The following AGBL1 variants were observed in gnomAD, a reference collection of about 807,000 sequenced individuals.
AGBL1 encodes cytosolic carboxypeptidase 4.
Under a neutral mutation model 118.9 loss-of-function variants are expected in AGBL1, and 130 were observed. The observed-to-expected ratio is 1.09, with a 90% CI of 0.95 to 1.26. The LOEUF is 1.26. Among genes scored for constraint, AGBL1 ranks in the 50% most tolerant of loss-of-function variants. The probability of loss-of-function intolerance (pLI) is 0.00; values close to 1 mark genes in which losing one functional copy is unlikely to be tolerated. For synonymous variants in AGBL1, 555 were observed against 478.9 expected, an observed-to-expected ratio of 1.16 and a Z score of -2.08; for missense variants, 1,584 against 1,298.1, an observed-to-expected ratio of 1.22 and a Z score of -3.38.
At chr15:86,475,650 G>A (rs1397328109) in intron 18 of AGBL1, among the ~76,000 whole-genome samples, 2 of 152,154 alleles carry the variant, frequency 1.3e-5, no homozygotes, top group Admixed American at 6.5e-5. Context: ...AAAACACTCG[G>A]CAGGATATTA....
intron 6 of AGBL1, among the ~76,000 whole-genome samples, chr15:86,239,934 A>G (rs1254357352): frequency 6.6e-6 from 1 of 152,238 alleles, no homozygotes; most frequent in African/African-American, 2.4e-5. Flanking sequence ...GTATATATAT[A>G]GGCACGGGAA....
rs1248866437 is a variant in AGBL1, at chr15:86,689,522, A to T, written c.3158+15086A>T. Among the ~76,000 whole-genome samples, 4 of 152,256 alleles carry T rather than the reference A, an allele frequency of 2.6e-5. No individual in the cohort carries two copies. In the East Asian group the frequency reaches 7.7e-4, roughly 29 times the overall value. On this transcript the variant is annotated intron_variant, in intron 22 of 22. Coordinates refer to ENST00000614907, the MANE Select transcript of AGBL1 (RefSeq NM_001386094.1). Reference sequence around the variant, plus strand: ...TTGTCAAGCCTCTCATCCTGTATTTATGGGAAGATATGAAGACTTACGGGC... The same window carrying T: ...TTGTCAAGCCTCTCATCCTGTATTTTTGGGAAGATATGAAGACTTACGGGC...
rs151244145 is a variant in AGBL1 at position 86,723,850 on chromosome 15, G to A, written c.3158+49414G>A. Among the ~76,000 whole-genome samples the A allele has an allele frequency of 3.5e-3, 535 of 152,214 alleles. 1 individual carries two copies. The highest frequency in any genetic ancestry group is 5.1e-3 in the Non-Finnish European group (344 of 68,012). On this transcript the variant is annotated intron_variant, in intron 22 of 22. Coordinates refer to ENST00000614907, the MANE Select transcript of AGBL1 (RefSeq NM_001386094.1). ...AGGTGGCAGGACCAATGCAGTGGGC[G>A]TGCTGGCAGAGTGGGAATTGTTGGA...
intron 22 of AGBL1, among the ~76,000 whole-genome samples, chr15:86,819,289 T>C (rs761651624): frequency 7.9e-5 from 12 of 151,806 alleles, no homozygotes; most frequent in South Asian, 2.1e-4. Context: ...TAGAAGGAGG[T>C]ACACAAAGAT....
intron 7 of AGBL1, among the ~76,000 whole-genome samples, chr15:86,249,446 A>G (rs1440047777): frequency 6.6e-6 from 1 of 152,158 alleles, no homozygotes; most frequent in Non-Finnish European, 1.5e-5. Flanking sequence ...ACCAATATCT[A>G]ACTCCCTATC....
At chr15:86,410,064 A>G (rs188108284) in intron 18 of AGBL1, among the ~76,000 whole-genome samples, 113 of 152,330 alleles carry the variant, frequency 7.4e-4, no homozygotes, top group Non-Finnish European at 1.3e-3. Flanking sequence ...AATATAGATA[A>G]GTTATTTCTC....
intron 22 of AGBL1, among the ~76,000 whole-genome samples, chr15:86,747,296 A>G (rs891559111): frequency 1.3e-5 from 2 of 152,136 alleles, no homozygotes; most frequent in African/African-American, 4.8e-5. Flanking sequence ...CCATGTCTCC[A>G]TTGTCTAGAT....
intron 1 of AGBL1, among the ~76,000 whole-genome samples, chr15:86,101,061 G>A (rs1896685796): frequency 6.6e-6 from 1 of 151,930 alleles, no homozygotes; most frequent in South Asian, 2.1e-4. Context: ...GGTATATTGG[G>A]TTTCAATTTT....
chr15:86,851,592 A>G (rs1419277708), intron 22 of AGBL1, among the ~76,000 whole-genome samples: 1 of 152,234 alleles, frequency 6.6e-6, no homozygotes, highest in Non-Finnish European at 1.5e-5. Flanking sequence ...AAAATCTGCA[A>G]AGATTAGTTC....
chr15:86,137,166 A>C (rs888237683), intron 1 of AGBL1, among the ~76,000 whole-genome samples: 2 of 152,210 alleles, frequency 1.3e-5, no homozygotes, highest in Admixed American at 1.3e-4. Context: ...ATTTTTCTCC[A>C]CTGATCACCA....
chr15:86,753,681 A>C (rs924186435), intron 22 of AGBL1, among the ~76,000 whole-genome samples: 2 of 152,090 alleles, frequency 1.3e-5, no homozygotes, highest in African/African-American at 4.8e-5. Flanking sequence ...TACAGGCGTA[A>C]GCCACTGCGC....
In AGBL1 at chr15:86,881,546, C is replaced by T. The variant is rs113159854; in HGVS notation, c.3159-25541C>T. On this transcript the variant is annotated intron_variant, in intron 22 of 22. Coordinates refer to ENST00000614907, the MANE Select transcript of AGBL1 (RefSeq NM_001386094.1). ...CCTTATTTCATTCTGTACACCTTGC[C>T]GAGGTTACTGTATTACTCTGTCTTG... is the stretch of plus-strand genomic sequence containing the variant. 6.4e-3 allele frequency among the ~76,000 whole-genome samples: 979 copies of T among 152,218 alleles called. 10 individuals carry two copies. Among genetic ancestry groups the T allele is most frequent in the Middle Eastern group, 0.024 (7 of 294 alleles).
intron 1 of AGBL1, among the ~76,000 whole-genome samples, chr15:86,096,869 C>T (rs1004162233): frequency 6.6e-6 from 1 of 152,174 alleles, no homozygotes; most frequent in Non-Finnish European, 1.5e-5. Flanking sequence ...GCTCTAAGAT[C>T]CCCTCTTTGT....
intron 22 of AGBL1, among the ~76,000 whole-genome samples, chr15:86,692,245 G>T (rs533384315): frequency 1.3e-5 from 2 of 151,838 alleles, no homozygotes; most frequent in Non-Finnish European, 2.9e-5. Flanking sequence ...AATTGTTCTC[G>T]AATCAGTCCA....
intron 16 of AGBL1, 22 bp from the exon 17 acceptor site, chr15:86,295,233 G>C (rs62015567): frequency 0.024 from 38,102 of 1,611,438 alleles, 559 homozygotes; most frequent in Middle Eastern, 0.056. Flanking sequence ...TAATATACAT[G>C]CCTGCTTTAT....
intron 5 of AGBL1, among the ~76,000 whole-genome samples, chr15:86,174,715 A>G (rs527540925): frequency 1.7e-4 from 26 of 152,262 alleles, no homozygotes; most frequent in African/African-American, 6.0e-4. Context: ...AGGAATGTTC[A>G]ATTTTATGAA....
chr15:86,413,190 A>G (rs974303057), intron 18 of AGBL1, among the ~76,000 whole-genome samples: 2 of 152,188 alleles, frequency 1.3e-5, no homozygotes, highest in Non-Finnish European at 2.9e-5. Context: ...GAAAAATAAA[A>G]GATGCTCAGT....
intron 24 of AGBL1, among the ~76,000 whole-genome samples, chr15:87,003,559 C>T (rs2081464299): frequency 2.6e-5 from 4 of 152,146 alleles, no homozygotes; most frequent in Non-Finnish European, 5.9e-5. Context: ...ATGGTACCCG[C>T]TCCTCCTTGT....
At chr15:86,159,678 T>G (rs186119061) in intron 5 of AGBL1, among the ~76,000 whole-genome samples, 33 of 152,218 alleles carry the variant, frequency 2.2e-4, no homozygotes, top group African/African-American at 7.0e-4. Context: ...TATTAAGATC[T>G]ATCATTTATG....
Sources: allele counts gnomAD v4.1 joint callset (sites outside exome capture counted in the v4.1 genomes callset), GRCh38; gene constraint gnomAD v4.1.1; transcripts MANE v1.5; gene names NCBI Gene and HGNC (gene_info 2026-07-23, HGNC 2026-07-21).